Variants in FAM184A observed in about 807,000 individuals in gnomAD.
FAM184A encodes the protein protein FAM184A.
Under a neutral mutation model 143.8 loss-of-function variants are expected in FAM184A, and 99 were observed. The observed-to-expected ratio is 0.69, with a 90% CI of 0.58 to 0.81. The LOEUF (loss-of-function observed/expected upper bound fraction) is 0.81. Among genes scored for constraint, FAM184A ranks in the 40% least tolerant of loss-of-function variants. The pLI is 0.00. For missense variants in FAM184A, 1,217 were observed against 1,310.5 expected, an observed-to-expected ratio of 0.93 and a Z score of 1.10; for synonymous variants, 427 against 446.4, an observed-to-expected ratio of 0.96 and a Z score of 0.55.
At chr6:118,966,512 T>C (rs1014641212) in intron 15 of FAM184A, among the ~76,000 whole-genome samples, 1 of 152,196 alleles carries the variant, frequency 6.6e-6, no homozygotes, top group African/African-American at 2.4e-5. Context: ...ATCCTAATAC[T>C]ACATGTGCAA....
At chr6:119,134,730 T>C (rs1270993664) in intron 1 of FAM184A, among the ~76,000 whole-genome samples, 1 of 149,786 alleles carries the variant, frequency 6.7e-6, no homozygotes, top group African/African-American at 2.5e-5. Flanking sequence ...GGACACAATA[T>C]ACTCACTGAG....
Position 119,058,346 on chromosome 6 carries a change from G to A in FAM184A, c.159+19795C>T, listed in dbSNP as rs527917197. ...TGCCTCAGTAGCTGGGATTACAGGT[G>A]TGCGCCACCACATCTAGCTAATTTT... On this transcript the variant is annotated intron_variant, in intron 1 of 17. Transcript: ENST00000338891. Among the ~76,000 whole-genome samples, 3 of 151,956 alleles carry A rather than the reference G, an allele frequency of 2.0e-5. No homozygotes were observed. In the South Asian group the frequency reaches 6.2e-4, roughly 32 times the overall value.
At chr6:119,104,710 C>T (rs914751873) in intron 1 of FAM184A, among the ~76,000 whole-genome samples, 2 of 152,116 alleles carry the variant, frequency 1.3e-5, no homozygotes, top group African/African-American at 4.8e-5. Context: ...AATTAAATGG[C>T]TCTTCACTCC....
At chr6:119,140,399 C>T (rs73767258) in intron 1 of FAM184A, among the ~76,000 whole-genome samples, 15 of 152,302 alleles carry the variant, frequency 9.8e-5, no homozygotes, top group African/African-American at 3.6e-4. Context: ...GAGAGAGCCC[C>T]TGGGAGAAGC....
chr6:118,987,379 C>A (rs1174825824), intron 9 of FAM184A, among the ~76,000 whole-genome samples: 2 of 152,166 alleles, frequency 1.3e-5, no homozygotes, highest in Non-Finnish European at 2.9e-5. Flanking sequence ...ATGTTCAATT[C>A]TGTGTCATCT....
intron 1 of FAM184A, among the ~76,000 whole-genome samples, chr6:119,123,445 G>T (rs1404506623): frequency 6.6e-6 from 1 of 152,084 alleles, no homozygotes; most frequent in Non-Finnish European, 1.5e-5. Flanking sequence ...GGCAGTGTTG[G>T]GTGGTTGGTT....
Position 118,964,772 on chromosome 6 carries a change from C to G in FAM184A, c.3034-1G>C. The G allele has an allele frequency of 1.0e-5, 15 of 1,499,032 alleles. No individual in the cohort carries two copies. Among genetic ancestry groups the G allele is most frequent in the Non-Finnish European group, 1.4e-5 (15 of 1,081,800 alleles). 92.9% of individuals were successfully genotyped at this position (1,499,032 alleles called of 1,614,324 possible). On this transcript the variant is annotated splice_acceptor_variant, in intron 15 of 17. Coordinates refer to ENST00000338891, the MANE Select transcript of FAM184A (RefSeq NM_024581.6). LOFTEE classifies it high-confidence loss of function. ...CCAGCTGATAAAACTTATTATCCTC[C>G]TATGCAAAAGAATTATAAACATCTT... is the stretch of plus-strand genomic sequence containing the variant.
At chr6:119,045,912 C>T (rs1024220738) in intron 1 of FAM184A, among the ~76,000 whole-genome samples, 14 of 152,238 alleles carry the variant, frequency 9.2e-5, no homozygotes, top group African/African-American at 3.1e-4. Flanking sequence ...CCTGGAATGT[C>T]CTCCTTTTGT....
At chr6:119,004,239 A>G (rs1784856243) in intron 7 of FAM184A, among the ~76,000 whole-genome samples, 1 of 152,258 alleles carries the variant, frequency 6.6e-6, no homozygotes, top group African/African-American at 2.4e-5. Flanking sequence ...AGTGGCAACC[A>G]TCGGCCCCTG....
At chr6:119,090,811 G>A (rs950474515) in intron 1 of FAM184A, among the ~76,000 whole-genome samples, 6 of 152,102 alleles carry the variant, frequency 3.9e-5, no homozygotes, top group African/African-American at 1.4e-4. Flanking sequence ...AGATCCAAAT[G>A]TCTTCATCCT....
At chr6:119,105,679 A>C (rs1788758999) in intron 1 of FAM184A, among the ~76,000 whole-genome samples, 1 of 152,222 alleles carries the variant, frequency 6.6e-6, no homozygotes, top group Non-Finnish European at 1.5e-5. Context: ...AAAAAAGTTT[A>C]TTTAAAGAAT....
At chr6:119,148,374 G>A (rs1455435787) in intron 1 of FAM184A, among the ~76,000 whole-genome samples, 3 of 152,156 alleles carry the variant, frequency 2.0e-5, no homozygotes, top group African/African-American at 7.2e-5. Flanking sequence ...ACGAGAGTTG[G>A]AGCCTAGCCA....
intron 9 of FAM184A, among the ~76,000 whole-genome samples, chr6:118,984,942 T>C (rs1241274292): frequency 6.6e-6 from 1 of 152,346 alleles, no homozygotes; most frequent in African/African-American, 2.4e-5. Context: ...TGGTTCGTTA[T>C]GAAAATTTTA....
intron 1 of FAM184A, among the ~76,000 whole-genome samples, chr6:119,144,776 C>G (rs1772367553): frequency 6.6e-6 from 1 of 152,206 alleles, no homozygotes; most frequent in African/African-American, 2.4e-5. Flanking sequence ...TGCTGAGCTG[C>G]TGCCAGCTCC....
intron 1 of FAM184A, among the ~76,000 whole-genome samples, chr6:119,120,579 T>C (rs923471686): frequency 6.6e-6 from 1 of 152,200 alleles, no homozygotes; most frequent in African/African-American, 2.4e-5. Flanking sequence ...AACTCCCAAC[T>C]GTTTTCTAAA....
At chr6:119,015,581 G>A (rs1296546464) in intron 5 of FAM184A, among the ~76,000 whole-genome samples, 1 of 152,230 alleles carries the variant, frequency 6.6e-6, no homozygotes, top group Non-Finnish European at 1.5e-5. Flanking sequence ...CCTCGGGACT[G>A]CAGCCCGCCA....
At position 119,078,343 on chromosome 6, in the gene FAM184A, AGG is replaced by A; in HGVS notation, c.-46_-45del. 1 of 1,395,794 alleles carries A rather than the reference AGG, an allele frequency of 7.2e-7. No homozygotes were observed. The highest frequency in any genetic ancestry group is 9.2e-7 in the Non-Finnish European group (1 of 1,081,466). 86.5% of individuals were successfully genotyped at this position (1,395,794 alleles called of 1,614,324 possible). On this transcript the variant is annotated 5_prime_UTR_variant, in exon 1 of 18. Coordinates refer to ENST00000338891, the MANE Select transcript of FAM184A (RefSeq NM_024581.6). This position sits in a 1 kb window ranked among gnomAD's most constrained non-coding sequence, Gnocchi z 5.5. ...CCGGGGCACCTGTCCCCGCGGGTGG[AGG>A]CAGGCCCGTGGAGCAACGACGCCCG... is the stretch of plus-strand genomic sequence containing the variant.
At chr6:119,039,941 T>C (rs530826989) in intron 1 of FAM184A, among the ~76,000 whole-genome samples, 6 of 152,204 alleles carry the variant, frequency 3.9e-5, no homozygotes, top group Non-Finnish European at 7.3e-5. Flanking sequence ...GATGGGCATG[T>C]GTATAACTCC....
intron 11 of FAM184A, among the ~76,000 whole-genome samples, chr6:118,977,799 GTGATACTGTACCATAGTTC>G (rs1783891654): frequency 6.6e-6 from 1 of 152,286 alleles, no homozygotes; most frequent in South Asian, 2.1e-4. Context: ...TGTACTGGTT[GTGATACTGTACCATAGTTC>G]TGCAAGATGT....
Sources: gnomAD v4.1 joint callset for allele counts (sites outside exome capture counted in the v4.1 genomes callset) on GRCh38, gnomAD v4.1.1 for gene constraint, Gnocchi (gnomAD v3.1) non-coding constraint, MANE v1.5 for transcripts, NCBI Gene and HGNC (gene_info 2026-07-23, HGNC 2026-07-21) for gene names.